Variants in STK24 observed in about 807,000 individuals in gnomAD.
STK24 encodes serine/threonine-protein kinase 24.
In STK24, 21 loss-of-function variants were observed where a neutral mutation model predicts 55.6. The ratio of observed to expected loss-of-function variants is 0.38; its 90% CI spans 0.27 to 0.54. The LOEUF is 0.54. Ranked by LOEUF, STK24 falls within the 20% of genes least tolerant of loss-of-function variation. The pLI, the probability that STK24 is intolerant of heterozygous loss-of-function variation, is 0.79. For missense variants in STK24, 383 were observed against 538.4 expected (o/e 0.71, Z 2.86); for synonymous variants, 200 against 215.2 (o/e 0.93, Z 0.62).
intron 1 of STK24, among the ~76,000 whole-genome samples, chr13:98,563,473 C>T (rs1297077752): frequency 2.0e-5 from 3 of 152,142 alleles, no homozygotes; most frequent in Admixed American, 1.3e-4. Context: ...GAAAAAAGAG[C>T]GCAAATCTCT....
rs961959384 is a variant in STK24, at chr13:98,446,096, A to G, written c.*7077T>C. On this transcript the variant is annotated 3_prime_UTR_variant, in exon 11 of 11. Transcript: ENST00000539966. ...CTTCTCACAGGCCTCCTTGCCTTTC[A>G]GAATCAGTTGTCTGGAAACCTGCTG... The G allele has an allele frequency of 6.2e-7, 1 of 1,610,138 alleles. No homozygotes were observed. The highest frequency in any genetic ancestry group is 1.3e-5 in the African/African-American group (1 of 74,868).
intron 10 of STK24, chr13:98,456,377 G>A (rs1893454916): frequency 2.4e-6 from 1 of 420,520 alleles, no homozygotes; most frequent in Admixed American, 2.6e-5. Flanking sequence ...TGTCAGCCTG[G>A]ACACCTGAAG....
intron 1 of STK24, chr13:98,576,171 G>T (rs1897885950): frequency 1.0e-6 from 1 of 985,138 alleles, no homozygotes; most frequent in African/African-American, 1.7e-5. Flanking sequence ...CGGGGGCTCC[G>T]GGCAAAGCCA....
At chr13:98,537,678 G>T (rs1380554035) in intron 1 of STK24, among the ~76,000 whole-genome samples, 1 of 152,148 alleles carries the variant, frequency 6.6e-6, no homozygotes, top group African/African-American at 2.4e-5. Flanking sequence ...AGCAAGAGGA[G>T]GTGGCGATCT....
intron 5 of STK24, among the ~76,000 whole-genome samples, chr13:98,472,597 G>C (rs2139281365): frequency 2.0e-5 from 3 of 152,280 alleles, no homozygotes; most frequent in Middle Eastern, 3.4e-3. Context: ...CAGTGCAGTT[G>C]CTCAGTACAA....
intron 1 of STK24, among the ~76,000 whole-genome samples, chr13:98,520,731 C>A (rs1896230256): frequency 1.3e-5 from 2 of 152,242 alleles, no homozygotes; most frequent in Admixed American, 1.3e-4. Flanking sequence ...TTCCGAGCAG[C>A]TGCTCTCCAA....
In STK24 at chr13:98,449,481, C is replaced by T. The variant is rs1255678679; in HGVS notation, c.*3692G>A. The stretch of plus-strand genomic sequence containing the variant: ...TGCCATTCCCTTGGTTTTCCTAAGC[C>T]CTTTCTAACGAGAGTCTCAAACAAG... On this transcript the variant is annotated 3_prime_UTR_variant, in exon 11 of 11. Coordinates refer to ENST00000539966, the MANE Select transcript of STK24 (RefSeq NM_001032296.4). 1 of 152,246 alleles carries T rather than the reference C, an allele frequency of 6.6e-6. No homozygotes were observed. Among genetic ancestry groups the T allele is most frequent in the Non-Finnish European group, 1.5e-5 (1 of 68,034 alleles). The allele number at this position is 152,246 out of a possible 1,614,324, so 9.4% of individuals were successfully genotyped here.
At chr13:98,486,273 A>C (rs1894803904) in intron 2 of STK24, among the ~76,000 whole-genome samples, 1 of 151,898 alleles carries the variant, frequency 6.6e-6, no homozygotes, top group African/African-American at 2.4e-5. Context: ...GTGCCCATAC[A>C]TGTGGGCCGC....
At chr13:98,513,388 G>C (rs1469558992) in intron 2 of STK24, among the ~76,000 whole-genome samples, 1 of 152,210 alleles carries the variant, frequency 6.6e-6, no homozygotes, top group Non-Finnish European at 1.5e-5. Flanking sequence ...TTCGGGCTGG[G>C]TGAGTCCCTG....
intron 2 of STK24, among the ~76,000 whole-genome samples, chr13:98,510,255 C>T (rs1352260477): frequency 2.6e-5 from 4 of 152,178 alleles, no homozygotes; most frequent in East Asian, 1.9e-4. Context: ...GACCATTATG[C>T]GTGAGCCCAT....
intron 1 of STK24, chr13:98,575,908 A>T (rs1465437001): frequency 2.1e-6 from 1 of 467,102 alleles, no homozygotes; most frequent in East Asian, 1.5e-4. Flanking sequence ...ACAACAAAAA[A>T]CCTTTAACTT....
intron 1 of STK24, among the ~76,000 whole-genome samples, chr13:98,523,591 C>A (rs1167454718): frequency 6.6e-6 from 1 of 152,156 alleles, no homozygotes; most frequent in Non-Finnish European, 1.5e-5. Context: ...AGCTGGCAAT[C>A]GAAAATGGTG....
intron 7 of STK24, among the ~76,000 whole-genome samples, chr13:98,463,170 C>T (rs1467838584): frequency 5.3e-5 from 8 of 152,080 alleles, no homozygotes; most frequent in East Asian, 1.9e-4. Flanking sequence ...CAAGTCTGCC[C>T]GACCACCTCC....
chr13:98,457,530 C>T (rs573795117), intron 9 of STK24, among the ~76,000 whole-genome samples: 10 of 142,468 alleles, frequency 7.0e-5, no homozygotes, highest in East Asian at 2.1e-4. Flanking sequence ...AGTACAGTGG[C>T]GTGATCTCAG....
At chr13:98,571,632 A>G (rs538606689) in intron 1 of STK24, among the ~76,000 whole-genome samples, 4 of 152,344 alleles carry the variant, frequency 2.6e-5, no homozygotes, top group Admixed American at 2.6e-4. Context: ...TATTCAAAAT[A>G]GGTTTTTTGT....
chr13:98,551,373 GCCA>G (rs1419149957), intron 1 of STK24, among the ~76,000 whole-genome samples: 1 of 151,532 alleles, frequency 6.6e-6, no homozygotes, highest in African/African-American at 2.4e-5. Flanking sequence ...AAGCTACGAG[GCCA>G]CCAAGCCTTC....
rs559363874 is a variant in STK24, at chr13:98,453,101, G to A, written c.*72C>T. The A allele has an allele frequency of 1.6e-4, 256 of 1,581,074 alleles. 1 individual carries two copies. The highest frequency in any genetic ancestry group is 1.4e-3 in the South Asian group (125 of 89,902). ...TTCGGTGGAGTCAGCGAAGGCTCTC[G>A]TTGACTTTTAAAAAAGGAGGAGGAT... On this transcript the variant is annotated 3_prime_UTR_variant, in exon 11 of 11. Coordinates refer to ENST00000539966, the MANE Select transcript of STK24 (RefSeq NM_001032296.4).
intron 2 of STK24, among the ~76,000 whole-genome samples, chr13:98,506,623 A>G (rs1895689091): frequency 6.6e-6 from 1 of 152,148 alleles, no homozygotes; most frequent in East Asian, 1.9e-4. Flanking sequence ...CAAAGGACAG[A>G]CTTGTGGACC....
intron 5 of STK24, among the ~76,000 whole-genome samples, chr13:98,466,961 G>C (rs1453929093): frequency 2.6e-5 from 4 of 152,200 alleles, no homozygotes; most frequent in Non-Finnish European, 4.4e-5. Flanking sequence ...GAGGTCGAGA[G>C]TGGGCACCTT....
Sources: gnomAD v4.1 joint callset for allele counts (sites outside exome capture counted in the v4.1 genomes callset) on GRCh38, gnomAD v4.1.1 for gene constraint, MANE v1.5 for transcripts, NCBI Gene and HGNC (gene_info 2026-07-23, HGNC 2026-07-21) for gene names.